Variants in RABGAP1L observed in about 807,000 individuals in gnomAD.
RABGAP1L encodes the protein rab GTPase-activating protein 1-like.
In RABGAP1L, 63 loss-of-function variants were observed where a neutral mutation model predicts 137.7. The ratio of observed to expected loss-of-function variants is 0.46; its 90% confidence interval spans 0.37 to 0.56. The LOEUF (loss-of-function observed/expected upper bound fraction) is 0.56, where lower values mean the gene tolerates loss of function less well. Among genes scored for constraint, RABGAP1L ranks in the 20% least tolerant of loss-of-function variants. The probability of loss-of-function intolerance (pLI) is 0.00; values close to 1 mark genes in which losing one functional copy is unlikely to be tolerated. For missense variants in RABGAP1L, 1,095 were observed against 1,244.0 expected (o/e 0.88, Z 1.80); for synonymous variants, 431 against 433.7 (o/e 0.99, Z 0.08).
intron 1 of RABGAP1L, among the ~76,000 whole-genome samples, chr1:174,170,074 C>A (rs1665228079): frequency 6.6e-6 from 1 of 152,178 alleles, no homozygotes; most frequent in Admixed American, 6.6e-5. Flanking sequence ...GAAAAAAATA[C>A]TTAAAATGCA....
chr1:174,586,544 A>AG (rs1019784534), intron 13 of RABGAP1L, among the ~76,000 whole-genome samples: 1 of 152,096 alleles, frequency 6.6e-6, no homozygotes, highest in Admixed American at 6.6e-5. Context: ...CCAGAACTTA[A>AG]GAAAAAAAAA....
At chr1:174,419,821 CAAA>C (rs779195083) in intron 13 of RABGAP1L, among the ~76,000 whole-genome samples, 117 of 152,258 alleles carry the variant, frequency 7.7e-4, no homozygotes, top group Admixed American at 1.7e-3. Context: ...GTCAGAGAAT[CAAA>C]GAAGCAGAAG....
chr1:174,404,730 A>G (rs35837995), intron 13 of RABGAP1L, among the ~76,000 whole-genome samples: 1 of 152,206 alleles, frequency 6.6e-6, no homozygotes. Flanking sequence ...CTAAAGTAAA[A>G]CAATATAAAC....
chr1:174,254,419 C>T (rs941486749), intron 7 of RABGAP1L, among the ~76,000 whole-genome samples: 14 of 152,058 alleles, frequency 9.2e-5, no homozygotes, highest in African/African-American at 3.4e-4. Context: ...TTACTGTACC[C>T]ATCAGCCCAT....
At chr1:174,601,098 A>G (rs1431131314) in intron 13 of RABGAP1L, among the ~76,000 whole-genome samples, 2 of 152,104 alleles carry the variant, frequency 1.3e-5, no homozygotes, top group Non-Finnish European at 2.9e-5. Flanking sequence ...CAAGGTTTGG[A>G]GCTTCCACCC....
chr1:174,929,080 G>A (rs1663291710), intron 19 of RABGAP1L, among the ~76,000 whole-genome samples: 1 of 152,060 alleles, frequency 6.6e-6, no homozygotes, highest in Non-Finnish European at 1.5e-5. Context: ...GTGGGGCTGG[G>A]GGGAGGGATA....
intron 19 of RABGAP1L, among the ~76,000 whole-genome samples, chr1:174,898,776 C>A (rs570144823): frequency 2.0e-5 from 3 of 152,162 alleles, no homozygotes; most frequent in African/African-American, 7.2e-5. Context: ...CAATTATGAG[C>A]TAACTTAAGC....
chr1:174,909,735 A>G (rs1407746208), intron 19 of RABGAP1L, among the ~76,000 whole-genome samples: 2 of 152,254 alleles, frequency 1.3e-5, no homozygotes, highest in African/African-American at 4.8e-5. Flanking sequence ...AAGCATCGTT[A>G]GAGACTGTTA....
intron 19 of RABGAP1L, among the ~76,000 whole-genome samples, chr1:174,824,209 G>A (rs1299745993): frequency 6.6e-6 from 1 of 152,114 alleles, no homozygotes; most frequent in Non-Finnish European, 1.5e-5. Flanking sequence ...AGAGTCTCTT[G>A]AACCAGGAAG....
At chr1:174,968,256 T>C (rs1341870738) in intron 20 of RABGAP1L, among the ~76,000 whole-genome samples, 4 of 152,224 alleles carry the variant, frequency 2.6e-5, no homozygotes, top group Non-Finnish European at 4.4e-5. Context: ...GTCTGAGTTT[T>C]TGCCACCTTT....
intron 19 of RABGAP1L, among the ~76,000 whole-genome samples, chr1:174,943,505 A>G (rs1045090057): frequency 1.3e-5 from 2 of 152,210 alleles, no homozygotes; most frequent in Non-Finnish European, 2.9e-5. Flanking sequence ...TACTTTGTAA[A>G]TACAGTATTT....
At chr1:174,374,989 C>G (rs892307636) in intron 12 of RABGAP1L, among the ~76,000 whole-genome samples, 6 of 152,084 alleles carry the variant, frequency 3.9e-5, no homozygotes, top group African/African-American at 1.4e-4. Flanking sequence ...GTACAAACAT[C>G]TCACTTTCTT....
intron 13 of RABGAP1L, among the ~76,000 whole-genome samples, chr1:174,531,752 G>A (rs374250305): frequency 6.2e-5 from 8 of 129,788 alleles, no homozygotes; most frequent in Non-Finnish European, 9.8e-5. Flanking sequence ...TCGGGGGTGG[G>A]GGGGGGGAAG....
At chr1:174,617,436 T>G (rs1009778297) in intron 13 of RABGAP1L, among the ~76,000 whole-genome samples, 1 of 152,224 alleles carries the variant, frequency 6.6e-6, no homozygotes, top group African/African-American at 2.4e-5. Context: ...ATGAGGATAT[T>G]TAATTTACTG....
chr1:174,717,173 G>A (rs970068156), intron 17 of RABGAP1L, among the ~76,000 whole-genome samples: 1 of 152,160 alleles, frequency 6.6e-6, no homozygotes, highest in African/African-American at 2.4e-5. Flanking sequence ...ATTTTGGGAG[G>A]CTGAGGTGGG....
intron 13 of RABGAP1L, among the ~76,000 whole-genome samples, chr1:174,511,920 T>C (rs187026478): frequency 1.3e-5 from 2 of 152,254 alleles, no homozygotes; most frequent in Admixed American, 1.3e-4. Context: ...TGCCCGGCTG[T>C]GTCCTTTTCA....
intron 19 of RABGAP1L, among the ~76,000 whole-genome samples, chr1:174,836,035 A>G (rs1692712871): frequency 6.6e-6 from 1 of 152,242 alleles, no homozygotes; most frequent in African/African-American, 2.4e-5. Context: ...AACTTTGCAT[A>G]AACAAAAAAA....
intron 16 of RABGAP1L, chr1:174,700,424 G>T (rs1679557818): frequency 6.6e-6 from 1 of 152,254 alleles, no homozygotes; most frequent in African/African-American, 2.4e-5. Context: ...ATTGGGGAAG[G>T]GTAAAATGGT....
chr1:174,611,674 C>A (rs1671266926), intron 13 of RABGAP1L, among the ~76,000 whole-genome samples: 1 of 151,404 alleles, frequency 6.6e-6, no homozygotes, highest in Admixed American at 6.6e-5. Flanking sequence ...GATATTGATT[C>A]TTCCTACCCA....
Sources: gnomAD v4.1 joint callset for allele counts (sites outside exome capture counted in the v4.1 genomes callset) on GRCh38, gnomAD v4.1.1 for gene constraint, MANE v1.5 for transcripts, NCBI Gene and HGNC (gene_info 2026-07-23, HGNC 2026-07-21) for gene names.